Variants in PCDHA1 observed in about 807,000 individuals in gnomAD.
The protein encoded by PCDHA1 is protocadherin alpha-1.
A neutral mutation model predicts 61.3 loss-of-function variants in PCDHA1; 42 were observed. The ratio of observed to expected loss-of-function variants is 0.69; its 90% CI spans 0.54 to 0.89. The LOEUF (loss-of-function observed/expected upper bound fraction) is 0.89. Ranked by LOEUF, PCDHA1 falls within the 40% of genes least tolerant of loss-of-function variation. The pLI is 0.00. For missense variants in PCDHA1, 1,256 were observed against 1,235.3 expected, an observed-to-expected ratio of 1.02 and a Z score of -0.25; for synonymous variants, 610 against 553.8, an observed-to-expected ratio of 1.10 and a Z score of -1.43.
intron 1 of PCDHA1, among the ~76,000 whole-genome samples, chr5:140,838,247 G>A (rs1775616810): frequency 1.3e-5 from 2 of 149,910 alleles, no homozygotes; most frequent in African/African-American, 4.9e-5. Context: ...CCAAGTAGCT[G>A]GGATTAAAGA....
At chr5:140,880,123 C>T (rs1315267493) in intron 1 of PCDHA1, among the ~76,000 whole-genome samples, 3 of 152,118 alleles carry the variant, frequency 2.0e-5, no homozygotes, top group African/African-American at 7.2e-5. Flanking sequence ...CAACAGGAAG[C>T]TGAAATAAAG....
chr5:140,795,058 C>T (rs1033929121), intron 1 of PCDHA1: 2 of 1,613,788 alleles, frequency 1.2e-6, no homozygotes, highest in African/African-American at 1.3e-5. Context: ...CGGCCAGCTC[C>T]GCTACTCCGT....
intron 1 of PCDHA1, chr5:140,803,723 G>GT: frequency 6.8e-7 from 1 of 1,478,036 alleles, no homozygotes; most frequent in Non-Finnish European, 9.1e-7. Flanking sequence ...CAGTTTTGTG[G>GT]TTTTGTGGTT....
intron 1 of PCDHA1, among the ~76,000 whole-genome samples, chr5:140,970,004 G>A (rs1322154107): frequency 6.6e-6 from 1 of 152,200 alleles, no homozygotes; most frequent in Non-Finnish European, 1.5e-5. Context: ...CAGAGGGAGT[G>A]GATGATGGTG....
At chr5:141,005,302 G>T (rs940194498) in intron 3 of PCDHA1, among the ~76,000 whole-genome samples, 1 of 152,160 alleles carries the variant, frequency 6.6e-6, no homozygotes, top group Non-Finnish European at 1.5e-5. Context: ...TTGCCTTTGT[G>T]AATCTTACAG....
In PCDHA1 at chr5:140,835,789, C is replaced by T. The variant is rs2150244748; in HGVS notation, c.2394+47105C>T. The T allele has an allele frequency of 6.8e-6, 11 of 1,612,988 alleles. No individual in the cohort carries two copies. The South Asian group carries it at 9.9e-5, about 14-fold the overall frequency. ...ACGGTGTTCGTGAAGGAGAACAACC[C>T]GCCGGGCTGCCACATCTTCACTGTG... On this transcript the variant is annotated intron_variant, in intron 1 of 3. Transcript: ENST00000504120.
chr5:140,890,828 A>G (rs1554184556), intron 1 of PCDHA1, among the ~76,000 whole-genome samples: 1 of 152,180 alleles, frequency 6.6e-6, no homozygotes, highest in Non-Finnish European at 1.5e-5. Flanking sequence ...ATGTACTTAC[A>G]TATTTACCAG....
At chr5:140,902,846 A>G (rs1119032) in intron 1 of PCDHA1, among the ~76,000 whole-genome samples, 22,643 of 152,174 alleles carry the variant, frequency 0.15, 1,744 homozygotes, top group Middle Eastern at 0.2. Flanking sequence ...CTTCACTTAG[A>G]AAAATGGCGT....
intron 1 of PCDHA1, among the ~76,000 whole-genome samples, chr5:140,915,901 G>A (rs1339531688): frequency 1.3e-5 from 2 of 152,250 alleles, no homozygotes; most frequent in East Asian, 1.9e-4. Flanking sequence ...CCTGGCCCTG[G>A]GCAGGCCCAG....
At chr5:140,802,355 C>T (rs781874120) in intron 1 of PCDHA1, 12 of 1,614,152 alleles carry the variant, frequency 7.4e-6, no homozygotes, top group Non-Finnish European at 1.0e-5. Context: ...GACAGGTCAC[C>T]TGCTCGCTGA....
chr5:140,870,718 G>C (rs2052330987), intron 1 of PCDHA1: 2 of 1,613,062 alleles, frequency 1.2e-6, no homozygotes. Context: ...CGCGCGCGAT[G>C]CGGGCGTGCC....
chr5:140,832,565 C>G (rs1487126370), intron 1 of PCDHA1, among the ~76,000 whole-genome samples: 2 of 152,180 alleles, frequency 1.3e-5, no homozygotes, highest in East Asian at 3.8e-4. Flanking sequence ...AGCCTCAAAA[C>G]AGCATACTTT....
At chr5:140,915,204 C>T (rs2077022161) in intron 1 of PCDHA1, among the ~76,000 whole-genome samples, 1 of 152,236 alleles carries the variant, frequency 6.6e-6, no homozygotes, top group East Asian at 1.9e-4. Flanking sequence ...ATCTTGGCCT[C>T]CCAAAGTGCT....
At chr5:140,808,368 C>A in intron 1 of PCDHA1, 1 of 1,614,198 alleles carries the variant, frequency 6.2e-7, no homozygotes, top group Non-Finnish European at 8.5e-7. Context: ...TCCCACGTCC[C>A]CTTCAAGCTG....
intron 1 of PCDHA1, chr5:140,856,396 C>G: frequency 6.3e-7 from 1 of 1,598,526 alleles, no homozygotes. Flanking sequence ...TGCAGGTTTT[C>G]CATGTGGACG....
chr5:140,834,675 C>A lies in PCDHA1; in HGVS notation c.2394+45991C>A, dbSNP rs1554134420. On this transcript the variant is annotated intron_variant, in intron 1 of 3. Transcript: ENST00000504120. ...GATCGACCGCGAGGAGCTGTGCGGG[C>A]GGAGCGCGGAGTGCAGCATCCACCT... is the stretch of plus-strand genomic sequence containing the variant. The A allele has an allele frequency of 1.9e-6, 3 of 1,614,206 alleles. No homozygotes were observed. In the African/African-American group the frequency reaches 4.0e-5, roughly 22 times the overall value.
rs551245842 is a variant in PCDHA1, at chr5:140,927,508, C to G, written c.2395-51441C>G. 3.7e-6 allele frequency: 6 copies of G among 1,614,074 alleles called. No individual in the cohort carries two copies. In the Admixed American group the frequency reaches 5.0e-5, roughly 13 times the overall value. ...CACCCACCTGCTGGTGCTTACAGCT[C>G]GGGACGGCGGGCTACCTGCCCGCTC... On this transcript the variant is annotated intron_variant, in intron 1 of 3. Coordinates refer to ENST00000504120, the MANE Select transcript of PCDHA1 (RefSeq NM_018900.4).
chr5:140,957,385 A>G (rs1166781130), intron 1 of PCDHA1, among the ~76,000 whole-genome samples: 1 of 152,192 alleles, frequency 6.6e-6, no homozygotes, highest in Non-Finnish European at 1.5e-5. Flanking sequence ...GTGTATTGTT[A>G]TAATTGTCCT....
At chr5:140,877,225 G>A in intron 1 of PCDHA1, 1 of 1,613,746 alleles carries the variant, frequency 6.2e-7, no homozygotes. Context: ...ACCGCGGTCG[G>A]TGGGTGCGGG....
Sources: gnomAD v4.1 joint callset for allele counts (sites outside exome capture counted in the v4.1 genomes callset) on GRCh38, gnomAD v4.1.1 for gene constraint, MANE v1.5 for transcripts, NCBI Gene and HGNC (gene_info 2026-07-23, HGNC 2026-07-21) for gene names.